The following SNRK variants were observed in gnomAD, a reference collection of about 807,000 sequenced individuals.
SNRK encodes SNF-related serine/threonine-protein kinase.
SNRK carries 3 observed loss-of-function variants against 48.2 expected under a neutral mutation model. That is an observed-to-expected ratio of 0.06 (90% confidence interval 0.03 to 0.16). The LOEUF (loss-of-function observed/expected upper bound fraction) is 0.16, where lower values mean the gene tolerates loss of function less well. SNRK is among the 10% of genes least tolerant of loss of function. The pLI, the probability that SNRK is intolerant of heterozygous loss-of-function variation, is 1.00. For synonymous variants in SNRK, 376 were observed against 366.1 expected, an observed-to-expected ratio of 1.03 and a Z score of -0.31; for missense variants, 627 against 976.0, an observed-to-expected ratio of 0.64 and a Z score of 4.76.
chr3:43,333,828 G>A (rs1444288111), intron 4 of SNRK, among the ~76,000 whole-genome samples: 2 of 151,980 alleles, frequency 1.3e-5, no homozygotes, highest in Admixed American at 6.6e-5. Flanking sequence ...AGCTGTCTGT[G>A]TCTCCCTCCT....
At chr3:43,335,072 A>G (rs1559468927) in intron 4 of SNRK, among the ~76,000 whole-genome samples, 1 of 151,834 alleles carries the variant, frequency 6.6e-6, no homozygotes, top group Non-Finnish European at 1.5e-5. Context: ...AACAATTATA[A>G]TTTTTGTTTT....
intron 2 of SNRK, among the ~76,000 whole-genome samples, chr3:43,301,299 T>A (rs1228729885): frequency 6.6e-6 from 1 of 152,338 alleles, no homozygotes; most frequent in African/African-American, 2.4e-5. Flanking sequence ...CTTTTATAGT[T>A]GGTATTTTAA....
In SNRK at chr3:43,348,677, C is replaced by G; in HGVS notation, c.*120C>G. 1.8e-6 allele frequency: 2 copies of G among 1,093,882 alleles called. No homozygotes were observed. Among genetic ancestry groups the G allele is most frequent in the Non-Finnish European group, 2.4e-6 (2 of 825,436 alleles). 67.8% of individuals were successfully genotyped at this position (1,093,882 alleles called of 1,614,324 possible). A position where few individuals can be genotyped will look rare whatever the true frequency, so the allele number is the denominator to read the frequency against. ...GGCGTTAGGAGCAATTATTTATTAC[C>G]TTTCCATTTGTTCGCCTGATGATGT... On this transcript the variant is annotated 3_prime_UTR_variant, in exon 7 of 7. Coordinates refer to ENST00000296088, the MANE Select transcript of SNRK (RefSeq NM_017719.5).
At position 43,303,905 on chromosome 3, in the gene SNRK, A is replaced by G; in HGVS notation, c.589+113A>G. ...GAGAATTTCTGTTAAATTGGCCTTA[A>G]CTAGCAAATTGGGTTTCATAAATGC... On this transcript the variant is annotated intron_variant, in intron 3 of 6. Transcript: ENST00000296088. This position sits in a 1 kb window ranked among gnomAD's most constrained non-coding sequence, Gnocchi z 6.2. 7.7e-6 allele frequency: 6 copies of G among 783,650 alleles called. No individual in the cohort carries two copies. Among genetic ancestry groups the G allele is most frequent in the Non-Finnish European group, 1.2e-5 (6 of 489,146 alleles). The allele number at this position is 783,650 out of a possible 1,614,324, so 48.5% of individuals were successfully genotyped here.
At chr3:43,337,439 G>C (rs1375472882) in intron 4 of SNRK, among the ~76,000 whole-genome samples, 1 of 151,912 alleles carries the variant, frequency 6.6e-6, no homozygotes, top group African/African-American at 2.4e-5. Context: ...GAGGGTGTCG[G>C]GGGAATGGTC....
At chr3:43,333,773 C>T (rs921462127) in intron 4 of SNRK, among the ~76,000 whole-genome samples, 72 of 152,152 alleles carry the variant, frequency 4.7e-4, no homozygotes, top group African/African-American at 1.6e-3. Context: ...GGCCTGTGTA[C>T]CCATTATCTA....
intron 4 of SNRK, among the ~76,000 whole-genome samples, chr3:43,339,352 T>G (rs2091214953): frequency 6.6e-6 from 1 of 152,176 alleles, no homozygotes; most frequent in Non-Finnish European, 1.5e-5. Context: ...CCTTACACAT[T>G]ATATTCTGTT....
intron 4 of SNRK, among the ~76,000 whole-genome samples, chr3:43,334,404 T>G (rs1575555576): frequency 6.6e-6 from 1 of 151,496 alleles, no homozygotes; most frequent in Admixed American, 6.6e-5. Context: ...GAGGATACGG[T>G]GAGCTGCGAT....
intron 3 of SNRK, among the ~76,000 whole-genome samples, chr3:43,304,021 A>C (rs1454381712): frequency 6.6e-6 from 1 of 152,162 alleles, no homozygotes; most frequent in Admixed American, 6.6e-5. Flanking sequence ...AAAATGAGTA[A>C]GTTATCATTT....
intron 1 of SNRK, among the ~76,000 whole-genome samples, chr3:43,299,099 C>A (rs2090879156): frequency 6.6e-6 from 1 of 152,084 alleles, no homozygotes; most frequent in Admixed American, 6.5e-5. Context: ...TATGCAGTTT[C>A]ATGGGGAGGA....
At chr3:43,339,965 T>C (rs1001096885) in intron 4 of SNRK, among the ~76,000 whole-genome samples, 4 of 150,254 alleles carry the variant, frequency 2.7e-5, no homozygotes, top group Non-Finnish European at 3.0e-5. Flanking sequence ...CTGTATGTCA[T>C]TGCTGATCCT....
At chr3:43,286,984 G>A (rs1295807902) in intron 1 of SNRK, among the ~76,000 whole-genome samples, 2 of 146,600 alleles carry the variant, frequency 1.4e-5, no homozygotes, top group African/African-American at 4.9e-5. Context: ...TTGCGGCCGC[G>A]GCGGGATTGC....
intron 3 of SNRK, among the ~76,000 whole-genome samples, chr3:43,327,361 G>C (rs1363607000): frequency 2.6e-5 from 4 of 152,204 alleles, no homozygotes; most frequent in Non-Finnish European, 4.4e-5. Flanking sequence ...TCAGTGTCTT[G>C]TGACCGTAGT....
At chr3:43,320,410 GA>G (rs2091044678) in intron 3 of SNRK, among the ~76,000 whole-genome samples, 2 of 152,196 alleles carry the variant, frequency 1.3e-5, no homozygotes, top group Admixed American at 1.3e-4. Flanking sequence ...GGGTTTAAGA[GA>G]AACAACATGG....
Position 43,340,329 on chromosome 3 carries a change from T to C in SNRK, c.774T>C (p.Ala258=), listed in dbSNP as rs751539741. 6.2e-7 allele frequency: 1 copy of C among 1,614,090 alleles called. No individual in the cohort carries two copies. Among genetic ancestry groups the C allele is most frequent in the African/African-American group, 1.3e-5 (1 of 74,930 alleles). ...RMLQRDPKRR[A]SLEEIENHPW... ...TACAGAGAGATCCCAAGAGAAGGGC[T>C]TCTTTAGAAGAGATTGAAAATCATC... is the stretch of plus-strand genomic sequence containing the variant. Residue 258 remains alanine, a synonymous_variant, in exon 5 of 7, where the codon GCT becomes GCC. Transcript: ENST00000296088.
intron 1 of SNRK, among the ~76,000 whole-genome samples, chr3:43,296,597 T>C (rs1224696717): frequency 2.0e-5 from 3 of 152,072 alleles, no homozygotes; most frequent in Admixed American, 2.0e-4. Context: ...TACTTTCTCA[T>C]GCCATGGATT....
At chr3:43,325,905 T>A (rs79877168) in intron 3 of SNRK, among the ~76,000 whole-genome samples, 1 of 152,228 alleles carries the variant, frequency 6.6e-6, no homozygotes, top group South Asian at 2.1e-4. Context: ...CCAGGCATGC[T>A]ATTTTCATTA....
intron 3 of SNRK, among the ~76,000 whole-genome samples, chr3:43,320,895 T>TA: frequency 6.6e-6 from 1 of 151,750 alleles, no homozygotes; most frequent in Admixed American, 6.6e-5. Context: ...GTATTCCTGT[T>TA]ACTCCCAAAA....
chr3:43,330,964 C>A (rs1292968744), intron 3 of SNRK, among the ~76,000 whole-genome samples: 1 of 152,106 alleles, frequency 6.6e-6, no homozygotes, highest in Non-Finnish European at 1.5e-5. Context: ...TGGGTTTCTG[C>A]CTTTGTTGCC....
Sources: gnomAD v4.1 joint callset for allele counts (sites outside exome capture counted in the v4.1 genomes callset) on GRCh38, gnomAD v4.1.1 for gene constraint, Gnocchi (gnomAD v3.1) non-coding constraint, MANE v1.5 for transcripts, NCBI Gene and HGNC (gene_info 2026-07-23, HGNC 2026-07-21) for gene names.